KCNJ10: variants seen among roughly 807,000 people sequenced by gnomAD.
The protein encoded by KCNJ10 is ATP-sensitive inward rectifier potassium channel 10.
Under a neutral mutation model 22.2 loss-of-function variants are expected in KCNJ10, and 9 were observed. The ratio of observed to expected loss-of-function variants is 0.40; its 90% CI spans 0.24 to 0.71. The LOEUF (loss-of-function observed/expected upper bound fraction) is 0.71. KCNJ10 is among the 30% of genes least tolerant of loss of function. KCNJ10 has a pLI of 0.35. For missense variants in KCNJ10, 337 were observed against 482.7 expected (o/e 0.70, Z 2.83); for synonymous variants, 184 against 187.3 (o/e 0.98, Z 0.15).
intron 1 of KCNJ10, 122 bp from the exon 2 acceptor site, chr1:160,042,654 C>T (rs997187659): frequency 2.1e-6 from 2 of 958,948 alleles, no homozygotes; most frequent in Non-Finnish European, 1.6e-6. Flanking sequence ...TCTTGTCTTA[C>T]CAAATATTTA....
At chr1:160,064,518 T>C (rs1245168888) in intron 1 of KCNJ10, among the ~76,000 whole-genome samples, 3 of 152,260 alleles carry the variant, frequency 2.0e-5, no homozygotes, top group African/African-American at 4.8e-5. Context: ...TTTGTTAACA[T>C]GCAAAAATTA....
chr1:160,044,578 CACAAACT>C (rs1175957276), intron 1 of KCNJ10, among the ~76,000 whole-genome samples: 1 of 152,168 alleles, frequency 6.6e-6, no homozygotes, highest in Non-Finnish European at 1.5e-5. Flanking sequence ...AAGTACCTTT[CACAAACT>C]ACAAACAGGT....
intron 1 of KCNJ10, among the ~76,000 whole-genome samples, chr1:160,042,952 TAAATA>T (rs985677703): frequency 1.1e-4 from 14 of 131,446 alleles, no homozygotes; most frequent in Admixed American, 4.6e-4. Flanking sequence ...AAAAAAAAAG[TAAATA>T]AAATAAAATA....
chr1:160,055,943 TC>T (rs1235016652), intron 1 of KCNJ10, among the ~76,000 whole-genome samples: 10 of 152,136 alleles, frequency 6.6e-5, no homozygotes, highest in African/African-American at 2.4e-4. Flanking sequence ...CCTGGAGCAT[TC>T]CAATTTTAAC....
rs1486988719 is a variant in KCNJ10, at chr1:160,042,467, G to A, written c.66C>T (p.Gly22=). The change falls in exon 2 of 2, where the codon GGC becomes GGT. Residue 22 remains glycine (G), a synonymous_variant. Transcript: ENST00000644903. ...GGACTCTCCGCCGTCGTATCCCTGGGCCCATTAGGGGCCGGCTTTCTGTCT... is the reference window on the plus strand; with the variant it reads ...GGACTCTCCGCCGTCGTATCCCTGGACCCATTAGGGGCCGGCTTTCTGTCT... ...TTQTESRPLM[G]PGIRRRRVLT... 6.2e-7 allele frequency: 1 copy of A among 1,614,060 alleles called. No homozygotes were observed. The highest frequency in any genetic ancestry group is 2.2e-5 in the East Asian group (1 of 44,900).
At chr1:160,060,714 C>G (rs1649170615) in intron 1 of KCNJ10, among the ~76,000 whole-genome samples, 5 of 152,316 alleles carry the variant, frequency 3.3e-5, no homozygotes, top group Middle Eastern at 3.4e-3. Flanking sequence ...GGGCCTTCCT[C>G]TCTTCCCTTT....
At chr1:160,069,833 G>A (rs1346108820) in intron 1 of KCNJ10, among the ~76,000 whole-genome samples, 189 bp downstream of exon 1, 1 of 152,186 alleles carries the variant, frequency 6.6e-6, no homozygotes, top group Admixed American at 6.5e-5. Flanking sequence ...TAGTTTCCTC[G>A]TGGGGAGCCC....
intron 1 of KCNJ10, among the ~76,000 whole-genome samples, chr1:160,058,451 T>C (rs1649096207): frequency 6.6e-6 from 1 of 152,118 alleles, no homozygotes; most frequent in African/African-American, 2.4e-5. Flanking sequence ...CTCTCTCTAG[T>C]GGTGAGAAAG....
intron 1 of KCNJ10, among the ~76,000 whole-genome samples, chr1:160,069,025 A>G (rs1649390302): frequency 1.3e-5 from 2 of 152,246 alleles, no homozygotes; most frequent in African/African-American, 4.8e-5. Flanking sequence ...ATCTTTAGTC[A>G]GAATTTGTAT....
At chr1:160,042,616 A>C (rs12729701) in intron 1 of KCNJ10, 84 bp from the exon 2 acceptor site, 1 of 1,177,182 alleles carries the variant, frequency 8.5e-7, no homozygotes, top group African/African-American at 1.5e-5. Flanking sequence ...GGGAGGAATT[A>C]ACATTCATTT....
At chr1:160,045,347 C>G (rs1362242944) in intron 1 of KCNJ10, among the ~76,000 whole-genome samples, 2 of 152,140 alleles carry the variant, frequency 1.3e-5, no homozygotes, top group African/African-American at 4.8e-5. Flanking sequence ...GTGTGCCTGA[C>G]AGAAAGCTGG....
chr1:160,040,344 A>G lies in KCNJ10; in HGVS notation c.*1049T>C. 3 of 391,298 alleles carry G rather than the reference A, an allele frequency of 7.7e-6. No individual in the cohort carries two copies. The highest frequency in any genetic ancestry group is 1.4e-4 in the South Asian group (1 of 6,968). 24.2% of individuals were successfully genotyped at this position (391,298 alleles called of 1,614,324 possible). On this transcript the variant is annotated 3_prime_UTR_variant, in exon 2 of 2. Coordinates refer to ENST00000644903, the MANE Select transcript of KCNJ10 (RefSeq NM_002241.5). ...TTTCTGGGGAATCTGTGCCCTGTGA[A>G]TCTAGTTTTACTTGAGCATCCGTGT...
At position 160,039,454 on chromosome 1, in the gene KCNJ10, G is replaced by T. The variant is rs1649159643; in HGVS notation, c.*1939C>A. ...TACATCTTGTCCCTACACACTGAAA[G>T]AAATAAGGTAAGTCTAATGTTGAAT... On this transcript the variant is annotated 3_prime_UTR_variant, in exon 2 of 2. Transcript: ENST00000644903. The T allele has an allele frequency of 6.6e-6, 1 of 150,448 alleles. No homozygotes were observed. The highest frequency in any genetic ancestry group is 6.6e-5 in the Admixed American group (1 of 15,062). 9.3% of individuals were successfully genotyped at this position (150,448 alleles called of 1,614,324 possible).
intron 1 of KCNJ10, among the ~76,000 whole-genome samples, chr1:160,054,046 A>G (rs977812199): frequency 1.3e-5 from 2 of 152,082 alleles, no homozygotes; most frequent in Non-Finnish European, 2.9e-5. Flanking sequence ...GAAAGAAACA[A>G]TGTTCTGTAG....
chr1:160,054,845 C>G (rs1295479837), intron 1 of KCNJ10, among the ~76,000 whole-genome samples: 1 of 152,214 alleles, frequency 6.6e-6, no homozygotes, highest in Non-Finnish European at 1.5e-5. Flanking sequence ...AGTGTACCCC[C>G]ACCCCTAGTC....
rs397514673 is a variant in KCNJ10, at chr1:160,042,009, C to T, written c.524G>A (p.Arg175Gln). ...CTGGCTGAAACGAATGGTCTCAGCC[C>T]GCTTCTTGGGCCGGGCAATCTTCGC... ...FLAKIARPKKRAETIRFSQHA... is the reference protein window; with the variant it reads ...FLAKIARPKKQAETIRFSQHA... The change falls in exon 2 of 2, where the codon CGG (arginine) becomes CAG (glutamine). Residue 175 changes from arginine to glutamine, a missense_variant. By Grantham distance (43) the Arg-to-Gln change is conservative. This residue lies in a region of KCNJ10 where 165 missense variants were observed against 281.5 expected (regional missense o/e 0.59). Coordinates refer to ENST00000644903, the MANE Select transcript of KCNJ10 (RefSeq NM_002241.5). The T allele has an allele frequency of 5.7e-6, 9 of 1,570,518 alleles. No homozygotes were observed. The highest frequency in any genetic ancestry group is 1.8e-5 in the Admixed American group (1 of 56,694).
In KCNJ10 at chr1:160,037,678, G is replaced by A. The variant is rs554268648; in HGVS notation, c.*3715C>T. ...CCATGCTAACTTTCCAGCAAAGGTA[G>A]TGTGTTACTGTACAAGTGAACTAGG... On this transcript the variant is annotated 3_prime_UTR_variant, in exon 2 of 2. Transcript: ENST00000644903. 6.6e-6 allele frequency: 1 copy of A among 152,364 alleles called. No homozygotes were observed. The highest frequency in any genetic ancestry group is 1.9e-4 in the East Asian group (1 of 5,190). The allele number at this position is 152,364 out of a possible 1,614,324, so 9.4% of individuals were successfully genotyped here.
intron 1 of KCNJ10, among the ~76,000 whole-genome samples, chr1:160,045,137 G>A (rs1441115185): frequency 6.6e-6 from 1 of 152,178 alleles, no homozygotes; most frequent in Non-Finnish European, 1.5e-5. Context: ...ATTATGACCT[G>A]GGGATAAGAT....
At chr1:160,043,248 T>C (rs1252765007) in intron 1 of KCNJ10, among the ~76,000 whole-genome samples, 1 of 145,010 alleles carries the variant, frequency 6.9e-6, no homozygotes, top group Non-Finnish European at 1.5e-5. Context: ...CCTGTTGAAA[T>C]CCTTCCAGGC....
Sources: allele counts gnomAD v4.1 joint callset (sites outside exome capture counted in the v4.1 genomes callset), GRCh38; gene constraint gnomAD v4.1.1; regional missense constraint gnomAD v4.1.1; transcripts MANE v1.5; gene names NCBI Gene and HGNC (gene_info 2026-07-23, HGNC 2026-07-21).